Variants in GLIS3 observed in about 807,000 individuals in gnomAD.
GLIS3 encodes the protein GLIS family zinc finger 3.
GLIS3 carries 53 observed loss-of-function variants against 78.6 expected under a neutral mutation model. The ratio of observed to expected loss-of-function variants is 0.67; its 90% CI spans 0.54 to 0.85. The LOEUF is 0.85. GLIS3 is among the 40% of genes least tolerant of loss of function. GLIS3 has a pLI of 0.00. For synonymous variants in GLIS3, 684 were observed against 509.9 expected, an observed-to-expected ratio of 1.34 and a Z score of -4.60; for missense variants, 1,703 against 1,231.1, an observed-to-expected ratio of 1.38 and a Z score of -5.74.
At chr9:4,447,321 G>T in the GLIS3 span, among the ~76,000 whole-genome samples, 2 of 151,658 alleles carry the variant, frequency 1.3e-5, no homozygotes, top group Non-Finnish European at 2.9e-5. Flanking sequence ...TGCTAGGATT[G>T]ATCCATTTGT....
intron 4 of GLIS3, among the ~76,000 whole-genome samples, chr9:4,115,100 A>G (rs1236067921): frequency 6.6e-6 from 1 of 152,116 alleles, no homozygotes. Flanking sequence ...ACACACCCCT[A>G]TTTTACCATA....
chr9:4,032,605 T>A (rs1263701265), intron 4 of GLIS3, among the ~76,000 whole-genome samples: 1 of 152,184 alleles, frequency 6.6e-6, no homozygotes, highest in Non-Finnish European at 1.5e-5. Context: ...ATTTCTAATG[T>A]GCAACAAGGA....
At chr9:4,033,574 T>C (rs1271606569) in intron 4 of GLIS3, among the ~76,000 whole-genome samples, 2 of 152,086 alleles carry the variant, frequency 1.3e-5, no homozygotes, top group African/African-American at 4.8e-5. Context: ...TAAAGTGTTT[T>C]CCAAATAGGA....
the GLIS3 span, among the ~76,000 whole-genome samples, chr9:4,360,307 A>G: frequency 1.3e-5 from 2 of 152,178 alleles, no homozygotes; most frequent in Non-Finnish European, 2.9e-5. Context: ...GCGACTGACT[A>G]TGTTTGGTCA....
intron 6 of GLIS3, among the ~76,000 whole-genome samples, chr9:3,925,326 T>C (rs944265531): frequency 1.3e-5 from 2 of 152,200 alleles, no homozygotes; most frequent in Non-Finnish European, 2.9e-5. Context: ...TGTTAGAATG[T>C]AATCTTCAGG....
At chr9:3,939,982 C>T (rs1588274154) in intron 4 of GLIS3, among the ~76,000 whole-genome samples, 3 of 152,190 alleles carry the variant, frequency 2.0e-5, no homozygotes, top group African/African-American at 7.2e-5. Flanking sequence ...ATTGACAATT[C>T]TGCCGAAAGA....
intron 4 of GLIS3, among the ~76,000 whole-genome samples, chr9:4,000,809 T>C (rs77037986): frequency 0.016 from 2,449 of 152,338 alleles, 59 homozygotes; most frequent in African/African-American, 0.056. Flanking sequence ...TGCAGCTTCC[T>C]CTGCCAGGCA....
intron 4 of GLIS3, among the ~76,000 whole-genome samples, chr9:4,091,649 T>G (rs1829513144): frequency 6.6e-6 from 1 of 152,104 alleles, no homozygotes; most frequent in South Asian, 2.1e-4. Flanking sequence ...AGAGTGTACG[T>G]ATGGCGAGCA....
At chr9:4,468,235 C>T in the GLIS3 span, among the ~76,000 whole-genome samples, 34 of 152,284 alleles carry the variant, frequency 2.2e-4, no homozygotes, top group African/African-American at 8.2e-4. Context: ...AGGAGAATTT[C>T]CCCAACCTAG....
At position 4,265,936 on chromosome 9, in the gene GLIS3, G is replaced by GTTTGTTTGTTTT. The variant is rs56341848; in HGVS notation, c.388+20101_388+20102insAAAACAAACAAA. 4.2e-3 allele frequency among the ~76,000 whole-genome samples: 624 copies of GTTTGTTTGTTTT among 149,128 alleles called. 6 individuals are homozygous for GTTTGTTTGTTTT. The highest frequency in any genetic ancestry group is 0.013 in the African/African-American group (524 of 40,428). On this transcript the variant is annotated intron_variant, in intron 2 of 10. Coordinates refer to ENST00000381971, the MANE Select transcript of GLIS3 (RefSeq NM_001042413.2). ...TGTCTGTTTGTTTGTTTGTTTGTTT[G>GTTTGTTTGTTTT]GAGACGGAGTCTCACTCTATCGCCC...
intron 2 of GLIS3, among the ~76,000 whole-genome samples, chr9:4,189,130 A>C (rs1485574268): frequency 6.6e-6 from 1 of 150,712 alleles, no homozygotes; most frequent in Non-Finnish European, 1.5e-5. Context: ...TCTTGTGGGC[A>C]TTTAGTGCTA....
intron 9 of GLIS3, among the ~76,000 whole-genome samples, chr9:3,843,214 G>A (rs748286167): frequency 1.3e-5 from 2 of 152,068 alleles, no homozygotes; most frequent in Admixed American, 6.5e-5. Flanking sequence ...GTGATTTTTT[G>A]CTTCTTCGAA....
At chr9:4,169,252 G>A (rs768149116) in intron 2 of GLIS3, among the ~76,000 whole-genome samples, 1 of 152,148 alleles carries the variant, frequency 6.6e-6, no homozygotes, top group African/African-American at 2.4e-5. Flanking sequence ...TTTCTACTTT[G>A]TATTCACTGA....
At chr9:3,919,204 C>CT (rs1257432555) in intron 6 of GLIS3, among the ~76,000 whole-genome samples, 2 of 152,154 alleles carry the variant, frequency 1.3e-5, no homozygotes, top group East Asian at 3.8e-4. Context: ...ATGCCAAGAA[C>CT]TTGTTGATAA....
chr9:4,230,380 G>C (rs1396551227), intron 2 of GLIS3, among the ~76,000 whole-genome samples: 8 of 152,196 alleles, frequency 5.3e-5, no homozygotes, highest in African/African-American at 1.4e-4. Context: ...CCATGTGCTA[G>C]ATGGGAAGGG....
upstream of GLIS3, among the ~76,000 whole-genome samples, chr9:4,350,814 T>TTTTC: frequency 6.6e-6 from 1 of 151,370 alleles, no homozygotes; most frequent in African/African-American, 2.4e-5. Flanking sequence ...GTTTTGTTTT[T>TTTTC]GTTTTTGTTT....
intron 4 of GLIS3, among the ~76,000 whole-genome samples, chr9:4,047,628 G>A (rs1205081443): frequency 6.6e-6 from 1 of 152,088 alleles, no homozygotes; most frequent in African/African-American, 2.4e-5. Context: ...ACTTACACAT[G>A]GTTCCTGACC....
intron 2 of GLIS3, among the ~76,000 whole-genome samples, chr9:4,280,510 CA>C (rs906065353): frequency 4.0e-5 from 6 of 150,670 alleles, no homozygotes; most frequent in African/African-American, 1.5e-4. Flanking sequence ...AGGCAAAATG[CA>C]AAAAAAAGTT....
intron 2 of GLIS3, among the ~76,000 whole-genome samples, chr9:4,253,816 T>A (rs1167233010): frequency 6.6e-6 from 1 of 152,144 alleles, no homozygotes; most frequent in African/African-American, 2.4e-5. Context: ...GAATGCACCA[T>A]TCCTCACAGC....
Sources: allele counts gnomAD v4.1 joint callset (sites outside exome capture counted in the v4.1 genomes callset), GRCh38; gene constraint gnomAD v4.1.1; transcripts MANE v1.5; gene names NCBI Gene and HGNC (gene_info 2026-07-23, HGNC 2026-07-21).